Variants in MYH11 observed in about 807,000 individuals in gnomAD.
MYH11 encodes myosin-11.
Under a neutral mutation model 246.6 loss-of-function variants are expected in MYH11, and 80 were observed. The ratio of observed to expected loss-of-function variants is 0.32; its 90% CI spans 0.27 to 0.39. The LOEUF (loss-of-function observed/expected upper bound fraction) is 0.39. Ranked by LOEUF, MYH11 falls within the 10% of genes least tolerant of loss-of-function variation. MYH11 has a pLI of 1.00. For missense variants in MYH11, 2,158 were observed against 2,546.8 expected (o/e 0.85, Z 3.29); for synonymous variants, 1,071 against 1,015.5 (o/e 1.05, Z -1.04).
In MYH11 at chr16:15,786,615, G is replaced by C. The variant is rs1412825884; in HGVS notation, c.633+15C>G. 2 of 1,611,644 alleles carry C rather than the reference G, an allele frequency of 1.2e-6. No homozygotes were observed. The highest frequency in any genetic ancestry group is 1.3e-5 in the African/African-American group (1 of 74,820). ...TTGGCTAAATCATGGCCTCTGATTGGGAACTGCCACTCACCGTGATACTTG... is the reference window on the plus strand; with the variant it reads ...TTGGCTAAATCATGGCCTCTGATTGCGAACTGCCACTCACCGTGATACTTG... On this transcript the variant is annotated intron_variant, in intron 5 of 40. Transcript: ENST00000300036.
intron 40 of MYH11, among the ~76,000 whole-genome samples, chr16:15,707,624 T>G (rs1366321314): frequency 6.6e-6 from 1 of 152,180 alleles, no homozygotes; most frequent in Non-Finnish European, 1.5e-5. Context: ...AAAATGAAGA[T>G]GGACACAAAT....
At chr16:15,727,593 TTTCACTACTTTTAAAAAAA>T (rs1258556945) in intron 27 of MYH11, among the ~76,000 whole-genome samples, 1 of 152,174 alleles carries the variant, frequency 6.6e-6, no homozygotes, top group Non-Finnish European at 1.5e-5. Context: ...CCTTTGACCC[TTTCACTACTTTTAAAAAAA>T]TGAGTTGCCG....
intron 1 of MYH11, among the ~76,000 whole-genome samples, chr16:15,840,220 G>T (rs1385685786): frequency 6.6e-6 from 1 of 152,170 alleles, no homozygotes; most frequent in Non-Finnish European, 1.5e-5. Flanking sequence ...AACTCATTAA[G>T]AATGTTCTAT....
chr16:15,727,810 C>T (rs1244696925), intron 27 of MYH11, among the ~76,000 whole-genome samples: 3 of 151,910 alleles, frequency 2.0e-5, no homozygotes, highest in Non-Finnish European at 4.4e-5. Context: ...CCCATCTCTA[C>T]TAAAATAAAA....
At chr16:15,775,238 T>TA (rs1311091655) in intron 8 of MYH11, among the ~76,000 whole-genome samples, 1 of 152,190 alleles carries the variant, frequency 6.6e-6, no homozygotes, top group Non-Finnish European at 1.5e-5. Context: ...TATATTTACA[T>TA]AAAAAAACTT....
rs1179229129 is a variant in MYH11, at chr16:15,747,731, C to G, written c.2251-1G>C. On this transcript the variant is annotated splice_acceptor_variant, in intron 18 of 40. Transcript: ENST00000300036. LOFTEE classifies it high-confidence loss of function. ...TGGGGTCAAGTTCCAGGGCTTTGAT[C>G]TGCAAAAGGAAGGAAAGGAAGAGCT... 1 of 1,614,024 alleles carries G rather than the reference C, an allele frequency of 6.2e-7. No homozygotes were observed. The highest frequency in any genetic ancestry group is 8.5e-7 in the Non-Finnish European group (1 of 1,179,996).
Position 15,759,432 on chromosome 16 carries a change from C to T in MYH11, c.1401+144G>A, listed in dbSNP as rs146923669. 1.8e-3 allele frequency: 1,893 copies of T among 1,055,006 alleles called. 2 individuals are homozygous for T. The highest frequency in any genetic ancestry group is 2.1e-3 in the South Asian group (162 of 78,426). 65.4% of individuals were successfully genotyped at this position (1,055,006 alleles called of 1,614,324 possible). On this transcript the variant is annotated intron_variant, in intron 12 of 40. Transcript: ENST00000300036. ...TCCTGTTGGATTTCTGTCTCTTATA[C>T]CCTCAATGATCCACCCTTAACTAGA...
intron 2 of MYH11, among the ~76,000 whole-genome samples, chr16:15,830,473 T>C (rs962069606): frequency 3.3e-5 from 5 of 152,130 alleles, no homozygotes; most frequent in African/African-American, 9.7e-5. Context: ...CATGGATGAA[T>C]GGCCAAAATA....
chr16:15,807,161 G>A (rs954529685), intron 3 of MYH11, among the ~76,000 whole-genome samples: 1 of 151,794 alleles, frequency 6.6e-6, no homozygotes, highest in African/African-American at 2.4e-5. Flanking sequence ...CATTTTTTTT[G>A]TAGAGACAGG....
intron 1 of MYH11, among the ~76,000 whole-genome samples, chr16:15,853,688 A>T (rs1828526188): frequency 6.6e-6 from 1 of 152,124 alleles, no homozygotes; most frequent in Non-Finnish European, 1.5e-5. Flanking sequence ...GAAGGAGAAG[A>T]CCTAGAGAGC....
At chr16:15,738,748 T>G in intron 23 of MYH11, 60 bp from the exon 24 acceptor site, 1 of 1,585,294 alleles carries the variant, frequency 6.3e-7, no homozygotes. Context: ...GAATCTATGT[T>G]TCACTTTTAG....
chr16:15,711,489 A>G (rs1472298920), intron 40 of MYH11, among the ~76,000 whole-genome samples: 2 of 152,150 alleles, frequency 1.3e-5, no homozygotes, highest in African/African-American at 4.8e-5. Flanking sequence ...CAGTTGATAG[A>G]GGTGATGCTG....
Position 15,756,516 on chromosome 16 carries a change from T to C in MYH11, c.1576-2A>G. The C allele has an allele frequency of 6.2e-7, 1 of 1,614,178 alleles. No homozygotes were observed. The highest frequency in any genetic ancestry group is 8.5e-7 in the Non-Finnish European group (1 of 1,180,030). ...GGCCAGCACACCTGGAGGGTTGTTC[T>C]GTGGGAGACAAGTAGGGCTTGAATC... On this transcript the variant is annotated splice_acceptor_variant, in intron 13 of 40. Coordinates refer to ENST00000300036, the MANE Select transcript of MYH11 (RefSeq NM_002474.3). LOFTEE classifies it high-confidence loss of function.
chr16:15,762,787 G>A (rs1242353163), intron 10 of MYH11, among the ~76,000 whole-genome samples: 1 of 152,162 alleles, frequency 6.6e-6, no homozygotes. Flanking sequence ...TTACTCTATC[G>A]CAATTCCCCT....
At chr16:15,821,903 C>CGACA in intron 3 of MYH11, among the ~76,000 whole-genome samples, 1 of 146,316 alleles carries the variant, frequency 6.8e-6, no homozygotes, top group Non-Finnish European at 1.5e-5. Flanking sequence ...CCGGCCTGGG[C>CGACA]GACAGAGCGA....
At chr16:15,846,338 AAAG>A (rs1389736991) in intron 1 of MYH11, among the ~76,000 whole-genome samples, 1 of 152,182 alleles carries the variant, frequency 6.6e-6, no homozygotes, top group Non-Finnish European at 1.5e-5. Flanking sequence ...TCCTTGAGCA[AAAG>A]AAGGTGGTCA....
At chr16:15,840,545 A>T (rs1157523580) in intron 1 of MYH11, among the ~76,000 whole-genome samples, 2 of 152,174 alleles carry the variant, frequency 1.3e-5, no homozygotes, top group Non-Finnish European at 2.9e-5. Context: ...CAACCTGGGC[A>T]ACATAAGAAG....
At chr16:15,717,852 T>A (rs2040247054) in intron 37 of MYH11, 1 of 264,002 alleles carries the variant, frequency 3.8e-6, no homozygotes, top group African/African-American at 2.2e-5. Context: ...GAGTGACTTG[T>A]CCCTTGCTTT....
chr16:15,839,137 G>C (rs2043984921), intron 1 of MYH11, among the ~76,000 whole-genome samples: 2 of 151,682 alleles, frequency 1.3e-5, no homozygotes, highest in African/African-American at 4.9e-5. Flanking sequence ...CTGAGCCTGG[G>C]AGGTCAAGAT....
Sources: allele counts gnomAD v4.1 joint callset (sites outside exome capture counted in the v4.1 genomes callset), GRCh38; gene constraint gnomAD v4.1.1; transcripts MANE v1.5; gene names NCBI Gene and HGNC (gene_info 2026-07-23, HGNC 2026-07-21).